Variants in RANBP17 observed in about 807,000 individuals in gnomAD.
RANBP17 encodes the protein RAN binding protein 17, also known as ran-binding protein 17.
RANBP17 carries 158 observed loss-of-function variants against 141.2 expected under a neutral mutation model. The observed-to-expected ratio is 1.12, with a 90% confidence interval of 0.98 to 1.28. The LOEUF is 1.28. Among genes scored for constraint, RANBP17 ranks in the 50% most tolerant of loss-of-function variants. The pLI is 0.00. For missense variants in RANBP17, 1,438 were observed against 1,290.7 expected, an observed-to-expected ratio of 1.11 and a Z score of -1.75; for synonymous variants, 430 against 450.0, an observed-to-expected ratio of 0.96 and a Z score of 0.56.
chr5:170,946,086 C>G (rs891421886), intron 12 of RANBP17, among the ~76,000 whole-genome samples: 5 of 152,042 alleles, frequency 3.3e-5, no homozygotes, highest in African/African-American at 1.2e-4. Context: ...AAATTCATTG[C>G]CTAGATTTCA....
At chr5:171,282,054 T>C (rs550576278) in intron 25 of RANBP17, among the ~76,000 whole-genome samples, 2 of 152,266 alleles carry the variant, frequency 1.3e-5, no homozygotes, top group East Asian at 1.9e-4. Flanking sequence ...TCGGGGCAGA[T>C]TAAAGAAGCT....
intron 2 of RANBP17, among the ~76,000 whole-genome samples, chr5:170,880,480 T>G (rs1158084696): frequency 1.3e-5 from 2 of 152,198 alleles, no homozygotes; most frequent in Non-Finnish European, 2.9e-5. Flanking sequence ...GGTAAATGGC[T>G]GTGTGATTGG....
At chr5:170,905,997 T>C (rs1038866889) in intron 5 of RANBP17, among the ~76,000 whole-genome samples, 1 of 152,112 alleles carries the variant, frequency 6.6e-6, no homozygotes, top group Non-Finnish European at 1.5e-5. Flanking sequence ...ACAGAAAAGT[T>C]GTAAGTACAG....
At chr5:171,042,567 TTTAC>T (rs1412101055) in intron 14 of RANBP17, among the ~76,000 whole-genome samples, 1 of 152,118 alleles carries the variant, frequency 6.6e-6, no homozygotes, top group Admixed American at 6.6e-5. Flanking sequence ...AAATTTTCCT[TTTAC>T]TTATATTTTG....
At chr5:171,000,587 G>A (rs997598922) in intron 14 of RANBP17, among the ~76,000 whole-genome samples, 9 of 152,124 alleles carry the variant, frequency 5.9e-5, no homozygotes, top group Admixed American at 2.0e-4. Flanking sequence ...TGTCATGCGC[G>A]TCCGTGTGAA....
At chr5:171,122,659 G>T (rs1051414669) in intron 14 of RANBP17, among the ~76,000 whole-genome samples, 1 of 152,206 alleles carries the variant, frequency 6.6e-6, no homozygotes, top group African/African-American at 2.4e-5. Flanking sequence ...GACTCCTGCA[G>T]TCCTAGCCAT....
chr5:170,934,650 T>C (rs1329119344), intron 12 of RANBP17, among the ~76,000 whole-genome samples: 2 of 152,230 alleles, frequency 1.3e-5, no homozygotes, highest in Non-Finnish European at 2.9e-5. Context: ...TCTTCTGGCT[T>C]GTAGAGTTTC....
At chr5:171,224,622 G>C (rs1039949444) in intron 22 of RANBP17, among the ~76,000 whole-genome samples, 1 of 152,168 alleles carries the variant, frequency 6.6e-6, no homozygotes, top group African/African-American at 2.4e-5. Context: ...GGATTATGTC[G>C]GAGGAGGAGG....
chr5:170,901,179 G>T (rs1010516754), intron 5 of RANBP17, among the ~76,000 whole-genome samples: 35 of 152,198 alleles, frequency 2.3e-4, no homozygotes, highest in Non-Finnish European at 4.4e-4. Flanking sequence ...CTTGCTTTAT[G>T]AATCTGGGTG....
chr5:170,954,987 A>G (rs1449225807), intron 13 of RANBP17, among the ~76,000 whole-genome samples: 2 of 152,242 alleles, frequency 1.3e-5, no homozygotes, highest in East Asian at 3.9e-4. Flanking sequence ...ATCAGCAGGG[A>G]CATAGATTCT....
chr5:171,063,947 G>A (rs1377863182), intron 14 of RANBP17, among the ~76,000 whole-genome samples: 1 of 152,338 alleles, frequency 6.6e-6, no homozygotes, highest in East Asian at 1.9e-4. Context: ...AGACTCCGTG[G>A]GCGTAGGACC....
intron 14 of RANBP17, among the ~76,000 whole-genome samples, chr5:171,044,542 T>G (rs1782446941): frequency 6.6e-6 from 1 of 152,026 alleles, no homozygotes; most frequent in African/African-American, 2.4e-5. Context: ...TTGGTTTTGC[T>G]TTGCTCACAA....
chr5:171,211,434 G>A (rs926413297), intron 20 of RANBP17, among the ~76,000 whole-genome samples: 3 of 151,846 alleles, frequency 2.0e-5, no homozygotes, highest in Non-Finnish European at 2.9e-5. Context: ...GCTAATTTTT[G>A]TGTTTTTAGT....
At chr5:170,964,184 A>G (rs1456703715) in intron 13 of RANBP17, among the ~76,000 whole-genome samples, 1 of 152,204 alleles carries the variant, frequency 6.6e-6, no homozygotes, top group African/African-American at 2.4e-5. Flanking sequence ...TAGCTATCAA[A>G]ATTATAATAA....
At chr5:171,188,263 A>G (rs990163964) in intron 18 of RANBP17, among the ~76,000 whole-genome samples, 3 of 152,198 alleles carry the variant, frequency 2.0e-5, no homozygotes, top group African/African-American at 7.2e-5. Flanking sequence ...GCAAAACCCA[A>G]TCATCTGCTA....
intron 14 of RANBP17, among the ~76,000 whole-genome samples, chr5:171,130,824 A>G (rs915205278): frequency 6.6e-6 from 1 of 152,222 alleles, no homozygotes; most frequent in Non-Finnish European, 1.5e-5. Context: ...GTATAATTGT[A>G]TTACAAGTTA....
intron 14 of RANBP17, among the ~76,000 whole-genome samples, chr5:170,992,588 C>G (rs1778577746): frequency 6.6e-6 from 1 of 152,040 alleles, no homozygotes; most frequent in Non-Finnish European, 1.5e-5. Context: ...TTGTGCATAT[C>G]TCCATGGTAC....
At chr5:170,922,229 T>C (rs888207407) in intron 11 of RANBP17, among the ~76,000 whole-genome samples, 1 of 152,090 alleles carries the variant, frequency 6.6e-6, no homozygotes, top group African/African-American at 2.4e-5. Flanking sequence ...ACCTGCCTGT[T>C]TGAGGTGTCT....
At chr5:171,220,231 C>G (rs1289027590) in intron 21 of RANBP17, among the ~76,000 whole-genome samples, 1 of 152,010 alleles carries the variant, frequency 6.6e-6, no homozygotes, top group Non-Finnish European at 1.5e-5. Context: ...TGCAGAACAG[C>G]AAATGTTGCT....
Sources: gnomAD v4.1 joint callset for allele counts (sites outside exome capture counted in the v4.1 genomes callset) on GRCh38, gnomAD v4.1.1 for gene constraint, MANE v1.5 for transcripts, NCBI Gene and HGNC (gene_info 2026-07-23, HGNC 2026-07-21) for gene names.